DHX9: variants seen among roughly 807,000 people sequenced by gnomAD.
DHX9 encodes the protein ATP-dependent RNA helicase A.
DHX9 carries 27 observed loss-of-function variants against 148.7 expected under a neutral mutation model. That is an observed-to-expected ratio of 0.18 (90% confidence interval 0.13 to 0.25). DHX9 has a LOEUF of 0.25. Among genes scored for constraint, DHX9 ranks in the 10% least tolerant of loss-of-function variants. DHX9 has a pLI of 1.00. For synonymous variants in DHX9, 529 were observed against 516.6 expected (o/e 1.02, Z -0.33); for missense variants, 796 against 1,559.6 (o/e 0.51, Z 8.25).
intron 3 of DHX9, 106 bp downstream of exon 3, chr1:182,843,540 C>T (rs771548505): frequency 4.7e-5 from 54 of 1,156,440 alleles, no homozygotes; most frequent in Non-Finnish European, 5.9e-5. Context: ...TCAGATATAT[C>T]GTGTTTCGTA....
intron 18 of DHX9, 126 bp downstream of exon 18, chr1:182,876,667 T>C (rs991790123): frequency 2.0e-6 from 2 of 982,714 alleles, no homozygotes; most frequent in Non-Finnish European, 3.1e-6. Flanking sequence ...AAAGGAGTCT[T>C]CTCTTTCTGA....
chr1:182,860,000 A>G lies in DHX9; in HGVS notation c.1148A>G (p.Gln383Arg). The G allele has an allele frequency of 6.2e-7, 1 of 1,610,190 alleles. No individual in the cohort carries two copies. The highest frequency in any genetic ancestry group is 1.1e-5 in the South Asian group (1 of 90,462). ...GTGACTTTTCTAATGCAGATCTTGC[A>G]GGAGAGAGAGTTACTGCCTGTGAAG... ...EQDHDLQAIL[Q>R]ERELLPVKKF... The change falls in exon 12 of 28, where the codon CAG becomes CGG. Residue 383 changes from glutamine (Q) to arginine (R), a missense_variant. Transcript: ENST00000367549.
At chr1:182,860,962 A>T (rs1412400434) in intron 12 of DHX9, among the ~76,000 whole-genome samples, 1 of 152,086 alleles carries the variant, frequency 6.6e-6, no homozygotes, top group East Asian at 1.9e-4. Flanking sequence ...CTTAGAAATT[A>T]TTTTTTCCCC....
intron 23 of DHX9, 31 bp from the exon 24 acceptor site, chr1:182,881,489 G>C: frequency 6.2e-7 from 1 of 1,608,356 alleles, no homozygotes; most frequent in Non-Finnish European, 8.5e-7. Context: ...TCTGGTCTTA[G>C]AGAATGATTT....
intron 1 of DHX9, among the ~76,000 whole-genome samples, chr1:182,841,280 G>C (rs1268026865): frequency 6.6e-6 from 1 of 150,380 alleles, no homozygotes; most frequent in Non-Finnish European, 1.5e-5. Flanking sequence ...GACAGAACGA[G>C]ACTCCGTCTC....
chr1:182,844,073 G>A (rs918351678), intron 3 of DHX9, among the ~76,000 whole-genome samples: 3 of 151,860 alleles, frequency 2.0e-5, no homozygotes, highest in African/African-American at 4.8e-5. Flanking sequence ...CTCAGCCTCC[G>A]AGTAGCTGGG....
At chr1:182,848,388 T>C (rs1668070594) in intron 3 of DHX9, among the ~76,000 whole-genome samples, 1 of 152,194 alleles carries the variant, frequency 6.6e-6, no homozygotes, top group South Asian at 2.1e-4. Context: ...CTTGACAAAC[T>C]CCTACAACAA....
Position 182,883,125 on chromosome 1 carries a change from G to C in DHX9, c.2915-14G>C. On this transcript the variant is annotated splice_polypyrimidine_tract_variant and intron_variant, in intron 24 of 27. Transcript: ENST00000367549. ...GTTATCTGATTTTTGTTTTCACTGT[G>C]CTCCTCTTAACAGATTGTTTGTTGA... The C allele has an allele frequency of 6.3e-7, 1 of 1,593,806 alleles. No homozygotes were observed. The highest frequency in any genetic ancestry group is 1.7e-4 in the Middle Eastern group (1 of 6,012).
chr1:182,887,528 A>G lies in DHX9; in HGVS notation c.*94A>G, dbSNP rs904731766. On this transcript the variant is annotated 3_prime_UTR_variant, in exon 28 of 28. Coordinates refer to ENST00000367549, the MANE Select transcript of DHX9 (RefSeq NM_001357.5). ...TTTCCAGTATGTTTATTTGCCACCA[A>G]AAAGTAAATGCATTTTCACCCATTC... 4.4e-6 allele frequency: 5 copies of G among 1,145,218 alleles called. No individual in the cohort carries two copies. Among genetic ancestry groups the G allele is most frequent in the Non-Finnish European group, 6.2e-6 (5 of 811,626 alleles). 70.9% of individuals were successfully genotyped at this position (1,145,218 alleles called of 1,614,324 possible). A position where few individuals can be genotyped will look rare whatever the true frequency, so the allele number is the denominator to read the frequency against.
chr1:182,860,781 G>A (rs1041914149), intron 12 of DHX9, among the ~76,000 whole-genome samples: 15 of 152,278 alleles, frequency 9.9e-5, no homozygotes, highest in African/African-American at 3.4e-4. Context: ...TACCTTACCA[G>A]CAATGAGCAG....
intron 6 of DHX9, among the ~76,000 whole-genome samples, chr1:182,855,410 G>T (rs1668236822): frequency 6.6e-6 from 1 of 152,182 alleles, no homozygotes; most frequent in African/African-American, 2.4e-5. Context: ...GACAGTTGGG[G>T]GAGCCAGGAC....
chr1:182,884,834 T>A (rs943406040), intron 27 of DHX9, 21 bp downstream of exon 27: 2 of 1,611,246 alleles, frequency 1.2e-6, no homozygotes, highest in Admixed American at 3.3e-5. Context: ...ATATACTTCT[T>A]ACTGAACCAA....
At chr1:182,870,933 GGT>G (rs1358474528) in intron 14 of DHX9, among the ~76,000 whole-genome samples, 1 of 152,066 alleles carries the variant, frequency 6.6e-6, no homozygotes, top group South Asian at 2.1e-4. Context: ...TTCAAAATTT[GGT>G]GTGTGTTTTA....
chr1:182,847,819 T>C (rs1668059170), intron 3 of DHX9, among the ~76,000 whole-genome samples: 2 of 152,192 alleles, frequency 1.3e-5, no homozygotes, highest in African/African-American at 4.8e-5. Context: ...CCTGCTTTTT[T>C]CGTTCATTTT....
rs1336143035 is a variant in DHX9 at position 182,883,664 on chromosome 1, C to G, written c.3260+29C>G. The G allele has an allele frequency of 1.4e-5, 21 of 1,496,014 alleles. No individual in the cohort carries two copies. In the Admixed American group the frequency reaches 3.2e-4, roughly 23 times the overall value. The allele number at this position is 1,496,014 out of a possible 1,614,324, so 92.7% of individuals were successfully genotyped here. A position where few individuals can be genotyped will look rare whatever the true frequency, so the allele number is the denominator to read the frequency against. Reference sequence around the variant, plus strand: ...TGGATTTTCAGATGTGAACTCCAAACTGAATTCTTAGAATTACAATATGAT... The same window carrying G: ...TGGATTTTCAGATGTGAACTCCAAAGTGAATTCTTAGAATTACAATATGAT... On this transcript the variant is annotated intron_variant, in intron 26 of 27. Transcript: ENST00000367549.
In DHX9 at chr1:182,870,772, CATAG is replaced by C. The variant is rs1292242669; in HGVS notation, c.1558-1561_1558-1558del. On this transcript the variant is annotated intron_variant, in intron 14 of 27. Transcript: ENST00000367549. ...CTGTCCAAAAGAAATATGTAAGCCA[CATAG>C]ATAATTTAAATTTTTCTAGTAACAC... Among the ~76,000 whole-genome samples the C allele has an allele frequency of 3.3e-5, 5 of 152,184 alleles. No homozygotes were observed. The East Asian group carries it at 9.6e-4, about 29-fold the overall frequency.
Position 182,858,226 on chromosome 1 carries a change from A to G in DHX9, c.796A>G (p.Lys266Glu). The change falls in exon 8 of 28, where the codon AAG becomes GAG. Residue 266 changes from lysine to glutamate, a missense_variant. By Grantham distance (56) the Lys-to-Glu change is moderately conservative. This residue lies in a region of DHX9 where 63 missense variants were observed against 78.6 expected (regional missense o/e 0.80). Transcript: ENST00000367549. ...VEAYSGLTKK[K>E]EGETVEPYKV... ...AGCTTACTCCGGACTTACAAAGAAG[A>G]AGGAAGGAGAGACAGTGAGTCTTTA... is the stretch of plus-strand genomic sequence containing the variant. 1 of 1,613,500 alleles carries G rather than the reference A, an allele frequency of 6.2e-7. No homozygotes were observed.
chr1:182,858,786 C>T lies in DHX9; in HGVS notation c.954C>T (p.Phe318=), dbSNP rs1192579967. 12 of 1,614,132 alleles carry T rather than the reference C, an allele frequency of 7.4e-6. No individual in the cohort carries two copies. The highest frequency in any genetic ancestry group is 3.3e-5 in the South Asian group (3 of 91,064). The part of the protein sequence containing the change: ...VALNIGKLAQ[F]EPSQRQNQVG... ...TCAACATTGGCAAATTGGCTCAGTTCGAACCATCTCAGCGACAAAACCAAG... is the reference window on the plus strand; with the variant it reads ...TCAACATTGGCAAATTGGCTCAGTTTGAACCATCTCAGCGACAAAACCAAG... Residue 318 remains phenylalanine, a synonymous_variant, in exon 10 of 28, where the codon TTC becomes TTT. Coordinates refer to ENST00000367549, the MANE Select transcript of DHX9 (RefSeq NM_001357.5).
At chr1:182,883,778 TAGAAGCAAATGCA>T in intron 26 of DHX9, 143 bp downstream of exon 26, 1 of 487,318 alleles carries the variant, frequency 2.1e-6, no homozygotes, top group South Asian at 4.0e-5. Flanking sequence ...TTGATACCAG[TAGAAGCAAATGCA>T]TTAGGAATTT....
Sources: gnomAD v4.1 joint callset for allele counts (sites outside exome capture counted in the v4.1 genomes callset) on GRCh38, gnomAD v4.1.1 for gene constraint, gnomAD v4.1.1 regional missense constraint, MANE v1.5 for transcripts, NCBI Gene and HGNC (gene_info 2026-07-23, HGNC 2026-07-21) for gene names.